The following DPP10 variants were observed in gnomAD, a reference collection of about 807,000 sequenced individuals.
The protein encoded by DPP10 is inactive dipeptidyl peptidase 10.
In DPP10, 33 loss-of-function variants were observed where a neutral mutation model predicts 120.9. The observed-to-expected ratio is 0.27, with a 90% CI of 0.21 to 0.37. The LOEUF (loss-of-function observed/expected upper bound fraction) is 0.37, where lower values mean the gene tolerates loss of function less well. Among genes scored for constraint, DPP10 ranks in the 10% least tolerant of loss-of-function variants. The pLI is 1.00. For missense variants in DPP10, 816 were observed against 942.8 expected, an observed-to-expected ratio of 0.87 and a Z score of 1.76; for synonymous variants, 337 against 326.1, an observed-to-expected ratio of 1.03 and a Z score of -0.36.
At position 115,321,833 on chromosome 2, in the gene DPP10, A is replaced by G. The variant is rs541203483; in HGVS notation, c.175+12480A>G. Among the ~76,000 whole-genome samples the G allele has an allele frequency of 7.9e-5, 12 of 152,124 alleles. No homozygotes were observed. The East Asian group carries it at 2.1e-3, about 27-fold the overall frequency. Reference sequence around the variant, plus strand: ...TGTTTTATTCTTCTACTGAGTTTGTATGTAAGTTCTTAGACTTTTAAGCTC... The same window carrying G: ...TGTTTTATTCTTCTACTGAGTTTGTGTGTAAGTTCTTAGACTTTTAAGCTC... On this transcript the variant is annotated intron_variant, in intron 2 of 25. Transcript: ENST00000410059.
At chr2:114,705,535 C>T (rs114657720) in intron 1 of DPP10, among the ~76,000 whole-genome samples, 33 of 152,030 alleles carry the variant, frequency 2.2e-4, no homozygotes, top group Middle Eastern at 3.4e-3. Context: ...CCTTGATCAC[C>T]GTGTCTATTA....
chr2:115,046,753 C>T (rs1442496932), intron 1 of DPP10, among the ~76,000 whole-genome samples: 1 of 151,886 alleles, frequency 6.6e-6, no homozygotes, highest in South Asian at 2.1e-4. Context: ...TGTACAGAGG[C>T]ATTATATTTG....
At chr2:115,423,994 T>C (rs1050475709) in intron 3 of DPP10, among the ~76,000 whole-genome samples, 1 of 152,160 alleles carries the variant, frequency 6.6e-6, no homozygotes, top group Non-Finnish European at 1.5e-5. Context: ...GAAGATTGTC[T>C]TCAGGATCTG....
intron 1 of DPP10, among the ~76,000 whole-genome samples, chr2:114,898,168 A>G (rs183277532): frequency 3.9e-5 from 6 of 152,386 alleles, no homozygotes; most frequent in Middle Eastern, 3.4e-3. Context: ...CTATGCAGCC[A>G]TAAGAAATGA....
chr2:115,057,518 T>C (rs994234551), intron 1 of DPP10, among the ~76,000 whole-genome samples: 1 of 152,186 alleles, frequency 6.6e-6, no homozygotes, highest in Non-Finnish European at 1.5e-5. Flanking sequence ...AACCAGAGGC[T>C]CAGTGGATTG....
chr2:114,924,379 TAGTC>T (rs1321254369), intron 1 of DPP10, among the ~76,000 whole-genome samples: 1 of 151,856 alleles, frequency 6.6e-6, no homozygotes, highest in Non-Finnish European at 1.5e-5. Context: ...ACACAAAAAT[TAGTC>T]AGGCATGGTG....
At chr2:114,682,337 C>G (rs1259276234) in intron 1 of DPP10, among the ~76,000 whole-genome samples, 1 of 151,980 alleles carries the variant, frequency 6.6e-6, no homozygotes, top group East Asian at 1.9e-4. Context: ...CAAGTTCCAG[C>G]TGGCATTTGA....
chr2:115,104,554 CTGAG>C (rs926463845), intron 1 of DPP10, among the ~76,000 whole-genome samples: 2 of 152,166 alleles, frequency 1.3e-5, no homozygotes, highest in Non-Finnish European at 1.5e-5. Flanking sequence ...TTCCTTCACA[CTGAG>C]TAAGGTTTCA....
At chr2:115,280,438 C>T (rs2060112368) in intron 1 of DPP10, among the ~76,000 whole-genome samples, 1 of 152,182 alleles carries the variant, frequency 6.6e-6, no homozygotes. Flanking sequence ...AGTCCTGAGA[C>T]ATAGTCTATA....
intron 3 of DPP10, among the ~76,000 whole-genome samples, chr2:115,374,556 G>A: frequency 6.6e-6 from 1 of 152,226 alleles, no homozygotes; most frequent in East Asian, 1.9e-4. Flanking sequence ...AGTGGAGACT[G>A]TATGGGTGTT....
At chr2:115,138,217 A>T (rs1441013446) in intron 1 of DPP10, among the ~76,000 whole-genome samples, 1 of 152,166 alleles carries the variant, frequency 6.6e-6, no homozygotes, top group African/African-American at 2.4e-5. Context: ...TATTGAACAC[A>T]TCACTGCATT....
chr2:114,872,555 A>T (rs1035643228), intron 1 of DPP10, among the ~76,000 whole-genome samples: 18 of 152,180 alleles, frequency 1.2e-4, no homozygotes, highest in African/African-American at 3.9e-4. Context: ...TATAGTGCCA[A>T]GTGAGTTCAG....
intron 3 of DPP10, among the ~76,000 whole-genome samples, chr2:115,385,176 C>T (rs1425868386): frequency 1.3e-5 from 2 of 152,082 alleles, no homozygotes; most frequent in African/African-American, 4.8e-5. Flanking sequence ...GTCACTTTCT[C>T]CATTTTCTTG....
At chr2:115,525,780 A>G (rs2078094776) in intron 4 of DPP10, 118 bp from the exon 5 acceptor site, 1 of 688,656 alleles carries the variant, frequency 1.5e-6, no homozygotes, top group Non-Finnish European at 2.4e-6. Context: ...TATACAATAT[A>G]AAAGAAATGA....
At chr2:114,831,881 G>GTA (rs1053303783) in intron 1 of DPP10, among the ~76,000 whole-genome samples, 2 of 146,456 alleles carry the variant, frequency 1.4e-5, no homozygotes, top group Admixed American at 6.8e-5. Context: ...TAATATATAT[G>GTA]TATATATATA....
chr2:115,188,650 C>T (rs1341447472), intron 1 of DPP10, among the ~76,000 whole-genome samples: 2 of 152,120 alleles, frequency 1.3e-5, no homozygotes, highest in African/African-American at 4.8e-5. Context: ...TACCATTTAT[C>T]ACCTTGAGAT....
At chr2:115,335,031 A>T (rs905220624) in intron 2 of DPP10, among the ~76,000 whole-genome samples, 1 of 151,760 alleles carries the variant, frequency 6.6e-6, no homozygotes, top group Admixed American at 6.6e-5. Context: ...ACAGTTCTGT[A>T]TGGCTGGGGA....
Position 115,768,302 on chromosome 2 carries a change from G to C in DPP10, c.1119G>C (p.Glu373Asp). The change falls in exon 13 of 26, where the codon GAG (glutamate) becomes GAC (aspartate). Residue 373 changes from glutamate to aspartate, a missense_variant. By Grantham distance (45) the Glu-to-Asp change is conservative. Transcript: ENST00000410059. ...TSDTWLSQQN[E>D]EPVFSRDGSK... ...TGTGCTCTTCTGTATTTTAGAATGAGGAGCCCGTGTTTTCTAGAGACGGCA... is the reference window on the plus strand; with the variant it reads ...TGTGCTCTTCTGTATTTTAGAATGACGAGCCCGTGTTTTCTAGAGACGGCA... 1 of 1,613,370 alleles carries C rather than the reference G, an allele frequency of 6.2e-7. No individual in the cohort carries two copies. The highest frequency in any genetic ancestry group is 1.3e-5 in the African/African-American group (1 of 75,008).
chr2:114,793,225 G>A (rs1407060494), intron 1 of DPP10, among the ~76,000 whole-genome samples: 2 of 152,052 alleles, frequency 1.3e-5, no homozygotes, highest in Non-Finnish European at 2.9e-5. Context: ...GTACACACGT[G>A]CCATGGTGGT....
Sources: gnomAD v4.1 joint callset for allele counts (sites outside exome capture counted in the v4.1 genomes callset) on GRCh38, gnomAD v4.1.1 for gene constraint, MANE v1.5 for transcripts, NCBI Gene and HGNC (gene_info 2026-07-23, HGNC 2026-07-21) for gene names.